Variants in KCNH4 observed in about 807,000 individuals in gnomAD.
KCNH4 encodes potassium voltage-gated channel subfamily H member 4.
In KCNH4, 33 loss-of-function variants were observed where a neutral mutation model predicts 90.7. That is an observed-to-expected ratio of 0.36 (90% CI 0.28 to 0.49). The LOEUF (loss-of-function observed/expected upper bound fraction) is 0.49, where lower values mean the gene tolerates loss of function less well. KCNH4 is among the 20% of genes least tolerant of loss of function. The probability of loss-of-function intolerance (pLI) is 0.98; values close to 1 mark genes in which losing one functional copy is unlikely to be tolerated. For missense variants in KCNH4, 1,044 were observed against 1,387.1 expected, an observed-to-expected ratio of 0.75 and a Z score of 3.93; for synonymous variants, 551 against 581.7, an observed-to-expected ratio of 0.95 and a Z score of 0.76.
rs770737382 is a variant in KCNH4 at position 42,178,877 on chromosome 17, T to C, written c.226A>G (p.Ser76Gly). ...SCRFLYGPETSEPALQRLHKA... is the reference protein window; with the variant it reads ...SCRFLYGPETGEPALQRLHKA... ...TGCAGACGCTGCAGGGCTGGCTCAC[T>C]GGTCTCTGGGCCGTAGAGGAAACGG... Residue 76 changes from serine to glycine, a missense_variant, in exon 2 of 17, where the codon AGT (serine) becomes GGT (glycine). Coordinates refer to ENST00000264661, the MANE Select transcript of KCNH4 (RefSeq NM_012285.3). The C allele has an allele frequency of 6.2e-7, 1 of 1,614,208 alleles. No individual in the cohort carries two copies. Among genetic ancestry groups the C allele is most frequent in the East Asian group, 2.2e-5 (1 of 44,884 alleles).
At chr17:42,172,682 C>T (rs1271861968) in intron 6 of KCNH4, among the ~76,000 whole-genome samples, 5 of 151,752 alleles carry the variant, frequency 3.3e-5, no homozygotes, top group Non-Finnish European at 5.9e-5. Context: ...ACCAAGGACA[C>T]GATAGAGTTG....
chr17:42,173,496 C>T (rs1463347921), intron 6 of KCNH4, among the ~76,000 whole-genome samples: 3 of 152,012 alleles, frequency 2.0e-5, no homozygotes, highest in African/African-American at 4.8e-5. Flanking sequence ...TCTCCTTGGA[C>T]TAGAATATCC....
rs779193979 is a variant in KCNH4, at chr17:42,162,315, C to T, written c.2591G>A (p.Arg864Lys). 3 of 1,613,930 alleles carry T rather than the reference C, an allele frequency of 1.9e-6. No individual in the cohort carries two copies. Among genetic ancestry groups the T allele is most frequent in the Non-Finnish European group, 2.5e-6 (3 of 1,179,922 alleles). The change falls in exon 15 of 17, where the codon AGG (arginine) becomes AAG (lysine). Residue 864 changes from arginine (R) to lysine (K), a missense_variant. By Grantham distance (26) the Arg-to-Lys change is conservative (BLOSUM62 2). Transcript: ENST00000264661. ...CTCACTGGCCAATTCTGGGCTGGGCCTGGTCCCTGCAGGGTGAAGGGATGC... is the reference window on the plus strand; with the variant it reads ...CTCACTGGCCAATTCTGGGCTGGGCTTGGTCCCTGCAGGGTGAAGGGATGC... ...PRSQAPPTGT[R>K]PSPELASEAE...
chr17:42,163,587 G>A lies in KCNH4; in HGVS notation c.2477+19C>T. The A allele has an allele frequency of 8.6e-7, 1 of 1,169,342 alleles. No homozygotes were observed. Among genetic ancestry groups the A allele is most frequent in the Non-Finnish European group, 1.2e-6 (1 of 820,012 alleles). The allele number at this position is 1,169,342 out of a possible 1,614,324, so 72.4% of individuals were successfully genotyped here. A position where few individuals can be genotyped will look rare whatever the true frequency, so the allele number is the denominator to read the frequency against. The stretch of plus-strand genomic sequence containing the variant: ...AGCCAATAGGGGTTTTGGGAAAGCA[G>A]GGGAGGCTGGCGTCTCACCGGGGAC... On this transcript the variant is annotated intron_variant, in intron 13 of 16. Transcript: ENST00000264661. The surrounding 1 kb of genome is among the most constrained non-coding windows in gnomAD (Gnocchi z 5.4).
intron 16 of KCNH4, among the ~76,000 whole-genome samples, chr17:42,157,765 A>T (rs922023572): frequency 2.0e-5 from 3 of 151,500 alleles, no homozygotes; most frequent in Admixed American, 6.6e-5. Context: ...ACACCACTAC[A>T]CCTGGCTAAT....
Position 42,159,833 on chromosome 17 carries a change from C to T in KCNH4, c.*207G>A, listed in dbSNP as rs953173317. Reference sequence around the variant, plus strand: ...TGGGTTCCACAGCCCTCAGGTGGCTCCCCTCACAGAGGGGGAGGTTGGGGA... The same window carrying T: ...TGGGTTCCACAGCCCTCAGGTGGCTTCCCTCACAGAGGGGGAGGTTGGGGA... On this transcript the variant is annotated 3_prime_UTR_variant, in exon 16 of 17. Transcript: ENST00000264661. 4.7e-6 allele frequency: 2 copies of T among 425,736 alleles called. No individual in the cohort carries two copies. The highest frequency in any genetic ancestry group is 8.2e-6 in the Non-Finnish European group (2 of 243,166). 26.4% of individuals were successfully genotyped at this position (425,736 alleles called of 1,614,324 possible). A position where few individuals can be genotyped will look rare whatever the true frequency, so the allele number is the denominator to read the frequency against.
chr17:42,170,873 A>G (rs1038150758), intron 7 of KCNH4, among the ~76,000 whole-genome samples: 2 of 152,216 alleles, frequency 1.3e-5, no homozygotes, highest in African/African-American at 4.8e-5. Context: ...GAGGGAAGAC[A>G]AAAGAGGAGG....
At chr17:42,178,534 C>A in intron 2 of KCNH4, 57 bp from the exon 3 acceptor site, 1 of 1,584,130 alleles carries the variant, frequency 6.3e-7, no homozygotes, top group Non-Finnish European at 8.6e-7. Flanking sequence ...GCATGCCTTT[C>A]TCCTCATCCC....
intron 11 of KCNH4, among the ~76,000 whole-genome samples, chr17:42,164,491 T>G (rs565673484): frequency 9.9e-5 from 15 of 152,078 alleles, no homozygotes; most frequent in Non-Finnish European, 1.9e-4. Flanking sequence ...GAGGAGCACA[T>G]GAGGGGGTTG....
Position 42,180,357 on chromosome 17 carries a change from C to G in KCNH4, c.76+513G>C, listed in dbSNP as rs2079892806. ...TGGGAGTTCCCACCGTCGCACAGAC[C>G]GCTCCCCTCCTCCTGCCTCACCCAC... is the stretch of plus-strand genomic sequence containing the variant. On this transcript the variant is annotated intron_variant, in intron 1 of 16. Transcript: ENST00000264661. This position sits in a 1 kb window ranked among gnomAD's most constrained non-coding sequence, Gnocchi z 4.7. 6.6e-6 allele frequency among the ~76,000 whole-genome samples: 1 copy of G among 152,092 alleles called. No homozygotes were observed. Among genetic ancestry groups the G allele is most frequent in the South Asian group, 2.1e-4 (1 of 4,824 alleles).
At chr17:42,179,501 G>A (rs1351718555) in intron 1 of KCNH4, among the ~76,000 whole-genome samples, 2 of 152,230 alleles carry the variant, frequency 1.3e-5, no homozygotes, top group African/African-American at 4.8e-5. Context: ...GAGTTAACTT[G>A]GGGAGAACAA....
intron 9 of KCNH4, among the ~76,000 whole-genome samples, chr17:42,168,152 C>T (rs561282877): frequency 3.9e-5 from 6 of 152,262 alleles, no homozygotes; most frequent in South Asian, 2.1e-4. Context: ...CCCCATTCAG[C>T]GCGGCACTCT....
chr17:42,170,097 C>G lies in KCNH4; in HGVS notation c.1390+10G>C, dbSNP rs1318895881. The G allele has an allele frequency of 6.3e-7, 1 of 1,588,428 alleles. No homozygotes were observed. The highest frequency in any genetic ancestry group is 1.3e-5 in the African/African-American group (1 of 74,358). On this transcript the variant is annotated intron_variant, in intron 8 of 16. Coordinates refer to ENST00000264661, the MANE Select transcript of KCNH4 (RefSeq NM_012285.3). Reference sequence around the variant, plus strand: ...AGGGCCCCACTGAGGCGTGGCAGGTCTGGCCTCACCGCCTATGAGCATCGT... The same window carrying G: ...AGGGCCCCACTGAGGCGTGGCAGGTGTGGCCTCACCGCCTATGAGCATCGT...
chr17:42,176,022 C>G (rs369160975), intron 5 of KCNH4, 32 bp downstream of exon 5: 14 of 1,566,530 alleles, frequency 8.9e-6, no homozygotes, highest in East Asian at 4.5e-5. Context: ...CCCCAGCCGA[C>G]CCACCAGGGT....
chr17:42,157,690 C>T (rs2079718661), intron 16 of KCNH4, among the ~76,000 whole-genome samples: 1 of 152,196 alleles, frequency 6.6e-6, no homozygotes, highest in Non-Finnish European at 1.5e-5. Flanking sequence ...TCACTGCAGC[C>T]TCAACCTCCT....
intron 2 of KCNH4, 114 bp from the exon 3 acceptor site, chr17:42,178,591 A>G: frequency 7.4e-7 from 1 of 1,357,780 alleles, no homozygotes; most frequent in Non-Finnish European, 1.0e-6. Flanking sequence ...GCAAGAACCA[A>G]AAGGAACCTC....
Position 42,160,020 on chromosome 17 carries a change from G to GCCTGGGC in KCNH4, c.*13_*19dup. 1 of 1,505,116 alleles carries GCCTGGGC rather than the reference G, an allele frequency of 6.6e-7. No homozygotes were observed. The highest frequency in any genetic ancestry group is 8.9e-7 in the Non-Finnish European group (1 of 1,126,238). 93.2% of individuals were successfully genotyped at this position (1,505,116 alleles called of 1,614,324 possible). A position where few individuals can be genotyped will look rare whatever the true frequency, so the allele number is the denominator to read the frequency against. Reference sequence around the variant, plus strand: ...GAGCGGCAGCGCCCACCCCAGACAGGCCTGGGCCCTGGGCCAGGGTCAGTG... The same window carrying GCCTGGGC: ...GAGCGGCAGCGCCCACCCCAGACAGGCCTGGGCCCTGGGCCCTGGGCCAGGGTCAGTG... On this transcript the variant is annotated 3_prime_UTR_variant, in exon 16 of 17. Transcript: ENST00000264661.
chr17:42,163,036 T>C lies in KCNH4; in HGVS notation c.2584+192A>G, dbSNP rs2079759625. ...TTCTTGTCTGTCATGGTATTTAGCA[T>C]CTGGAATTGTTTATCTGTGTACAGA... is the stretch of plus-strand genomic sequence containing the variant. On this transcript the variant is annotated intron_variant, in intron 14 of 16. Transcript: ENST00000264661. This position sits in a 1 kb window ranked among gnomAD's most constrained non-coding sequence, Gnocchi z 5.4. 6.6e-6 allele frequency among the ~76,000 whole-genome samples: 1 copy of C among 152,224 alleles called. No homozygotes were observed. The highest frequency in any genetic ancestry group is 2.1e-4 in the South Asian group (1 of 4,834).
intron 14 of KCNH4, among the ~76,000 whole-genome samples, chr17:42,162,862 G>A (rs964048396): frequency 4.6e-5 from 7 of 152,060 alleles, no homozygotes; most frequent in African/African-American, 1.7e-4. Flanking sequence ...CAAAGTACTG[G>A]GATTACAGGC....
Sources: gnomAD v4.1 joint callset for allele counts (sites outside exome capture counted in the v4.1 genomes callset) on GRCh38, gnomAD v4.1.1 for gene constraint, Gnocchi (gnomAD v3.1) non-coding constraint, MANE v1.5 for transcripts, NCBI Gene and HGNC (gene_info 2026-07-23, HGNC 2026-07-21) for gene names.